Variants in SOX5 observed in about 807,000 individuals in gnomAD.
The protein encoded by SOX5 is transcription factor SOX-5.
In SOX5, 9 loss-of-function variants were observed where a neutral mutation model predicts 92.0. The ratio of observed to expected loss-of-function variants is 0.10; its 90% CI spans 0.06 to 0.17. The LOEUF (loss-of-function observed/expected upper bound fraction) is 0.17, where lower values mean the gene tolerates loss of function less well. Ranked by LOEUF, SOX5 falls within the 10% of genes least tolerant of loss-of-function variation. The pLI, the probability that SOX5 is intolerant of heterozygous loss-of-function variation, is 1.00. For synonymous variants in SOX5, 344 were observed against 336.3 expected (o/e 1.02, Z -0.25); for missense variants, 642 against 944.5 (o/e 0.68, Z 4.20).
chr12:23,563,432 T>C (rs769639047), intron 10 of SOX5, 29 bp from the exon 11 acceptor site: 8 of 1,606,826 alleles, frequency 5.0e-6, no homozygotes, highest in Admixed American at 1.7e-5. Flanking sequence ...AAAGGATATC[T>C]TTTGTATAAA....
intron 1 of SOX5, among the ~76,000 whole-genome samples, chr12:24,475,088 C>G (rs1190002857): frequency 6.6e-6 from 1 of 152,098 alleles, no homozygotes; most frequent in African/African-American, 2.4e-5. Context: ...TGACCTCAGC[C>G]TCGGCCTCCC....
At chr12:23,975,822 G>A (rs1948828921) in intron 4 of SOX5, among the ~76,000 whole-genome samples, 1 of 152,192 alleles carries the variant, frequency 6.6e-6, no homozygotes, top group Non-Finnish European at 1.5e-5. Flanking sequence ...CAGAAAGGAA[G>A]TCAATAGTTT....
intron 2 of SOX5, among the ~76,000 whole-genome samples, chr12:24,365,231 C>G (rs75227732): frequency 0.043 from 6,581 of 152,106 alleles, 164 homozygotes; most frequent in South Asian, 0.064. Flanking sequence ...AATTCTTTCC[C>G]ATTTTTGAGT....
intron 4 of SOX5, among the ~76,000 whole-genome samples, chr12:24,120,728 C>T (rs548319310): frequency 6.6e-6 from 1 of 152,296 alleles, no homozygotes; most frequent in African/African-American, 2.4e-5. Flanking sequence ...ATATCTGTAA[C>T]TTTTTCTTAT....
chr12:23,891,958 A>G (rs1243845298), intron 2 of SOX5, among the ~76,000 whole-genome samples: 1 of 152,098 alleles, frequency 6.6e-6, no homozygotes, highest in Non-Finnish European at 1.5e-5. Context: ...ACTGTCCTTC[A>G]CTACTCTGCC....
At chr12:23,884,186 G>C (rs896085588) in intron 2 of SOX5, among the ~76,000 whole-genome samples, 2 of 152,094 alleles carry the variant, frequency 1.3e-5, no homozygotes, top group African/African-American at 4.8e-5. Context: ...GCACCCTCTA[G>C]GTTAGATGCC....
At chr12:23,722,025 G>A (rs560686465) in intron 6 of SOX5, among the ~76,000 whole-genome samples, 1 of 152,276 alleles carries the variant, frequency 6.6e-6, no homozygotes, top group Non-Finnish European at 1.5e-5. Context: ...CTTGTTAGGG[G>A]TCCAAAAAAT....
chr12:24,170,013 T>G (rs955322908), intron 4 of SOX5, among the ~76,000 whole-genome samples: 1 of 148,070 alleles, frequency 6.8e-6, no homozygotes, highest in Non-Finnish European at 1.5e-5. Flanking sequence ...AAACTAAGTG[T>G]AAGGATAATG....
intron 1 of SOX5, among the ~76,000 whole-genome samples, chr12:24,542,296 G>T (rs544163936): frequency 6.6e-6 from 1 of 152,118 alleles, no homozygotes; most frequent in Non-Finnish European, 1.5e-5. Flanking sequence ...TCTCCACCTA[G>T]TTGGCCCTTA....
At chr12:23,679,241 C>T (rs940082375) in intron 6 of SOX5, among the ~76,000 whole-genome samples, 7 of 152,124 alleles carry the variant, frequency 4.6e-5, no homozygotes, top group African/African-American at 1.7e-4. Context: ...TGCCTTGGGT[C>T]CCTCCAAACC....
chr12:23,730,922 G>A (rs762669509), intron 6 of SOX5, among the ~76,000 whole-genome samples: 4 of 152,156 alleles, frequency 2.6e-5, no homozygotes, highest in Non-Finnish European at 5.9e-5. Context: ...ACATTATGCC[G>A]GGGTGTGTTG....
chr12:24,247,332 C>G (rs1939023167), intron 3 of SOX5, among the ~76,000 whole-genome samples: 1 of 152,094 alleles, frequency 6.6e-6, no homozygotes, highest in Non-Finnish European at 1.5e-5. Flanking sequence ...TAATAAAGAA[C>G]CCTATCTAGA....
At chr12:24,182,319 CT>C (rs1955581251) in intron 4 of SOX5, among the ~76,000 whole-genome samples, 1 of 152,108 alleles carries the variant, frequency 6.6e-6, no homozygotes, top group East Asian at 1.9e-4. Flanking sequence ...CCATTTATAG[CT>C]TTGGGCTTAA....
chr12:23,708,397 C>A (rs2091684786), intron 6 of SOX5, among the ~76,000 whole-genome samples: 1 of 151,014 alleles, frequency 6.6e-6, no homozygotes, highest in Non-Finnish European at 1.5e-5. Flanking sequence ...GCTGAATCAT[C>A]AATTTGTAAA....
intron 1 of SOX5, among the ~76,000 whole-genome samples, chr12:24,552,129 G>A (rs1478758347): frequency 1.3e-5 from 2 of 150,346 alleles, no homozygotes; most frequent in Non-Finnish European, 3.0e-5. Flanking sequence ...CCTCACTCTT[G>A]ACTTGAAGCA....
intron 2 of SOX5, among the ~76,000 whole-genome samples, chr12:23,864,085 C>G (rs977302914): frequency 6.6e-6 from 1 of 151,112 alleles, no homozygotes; most frequent in Non-Finnish European, 1.5e-5. Flanking sequence ...TTTGGTAATT[C>G]TTGCAATATT....
At chr12:24,041,491 TTA>T (rs1178856227) in intron 4 of SOX5, among the ~76,000 whole-genome samples, 1 of 152,198 alleles carries the variant, frequency 6.6e-6, no homozygotes, top group Non-Finnish European at 1.5e-5. Context: ...ATTTGGATTC[TTA>T]TGATTAAAGG....
intron 4 of SOX5, among the ~76,000 whole-genome samples, chr12:24,141,431 G>T (rs1379191560): frequency 2.0e-5 from 3 of 152,168 alleles, no homozygotes; most frequent in Non-Finnish European, 4.4e-5. Context: ...TATGTACATA[G>T]ATTGATGAAA....
chr12:23,861,521 TG>T (rs1403045278), intron 2 of SOX5, among the ~76,000 whole-genome samples: 13 of 152,318 alleles, frequency 8.5e-5, no homozygotes, highest in African/African-American at 2.4e-4. Flanking sequence ...ACAATTCTAC[TG>T]GAATTCCTGT....
Sources: gnomAD v4.1 joint callset for allele counts (sites outside exome capture counted in the v4.1 genomes callset) on GRCh38, gnomAD v4.1.1 for gene constraint, MANE v1.5 for transcripts, NCBI Gene and HGNC (gene_info 2026-07-23, HGNC 2026-07-21) for gene names.